Variants in NDUFS4 observed in about 807,000 individuals in gnomAD.
NDUFS4 encodes the protein NADH dehydrogenase [ubiquinone] iron-sulfur protein 4, mitochondrial.
In NDUFS4, 28 loss-of-function variants were observed where a neutral mutation model predicts 24.3. The ratio of observed to expected loss-of-function variants is 1.15; its 90% CI spans 0.85 to 1.58. The LOEUF is 1.58. Ranked by LOEUF, NDUFS4 falls within the 40% of genes most tolerant of loss-of-function variation. The pLI is 0.00. For synonymous variants in NDUFS4, 93 were observed against 69.7 expected (o/e 1.34, Z -1.67); for missense variants, 223 against 207.9 (o/e 1.07, Z -0.45).
At chr5:53,654,414 A>G (rs543661401) in intron 3 of NDUFS4, among the ~76,000 whole-genome samples, 2 of 152,298 alleles carry the variant, frequency 1.3e-5, no homozygotes, top group South Asian at 2.1e-4. Context: ...GTGTGCACAC[A>G]TAACTTCTAT....
At chr5:53,574,843 GA>G (rs144924458) in intron 1 of NDUFS4, among the ~76,000 whole-genome samples, 14,114 of 152,058 alleles carry the variant, frequency 0.093, 780 homozygotes, top group Non-Finnish European at 0.13. Flanking sequence ...TGTCCATCCA[GA>G]AAATTGTGGC....
At chr5:53,620,068 G>C (rs1750982497) in intron 2 of NDUFS4, among the ~76,000 whole-genome samples, 1 of 151,702 alleles carries the variant, frequency 6.6e-6, no homozygotes, top group African/African-American at 2.4e-5. Flanking sequence ...GATTGCCTGA[G>C]CCCAGGAGTT....
intron 2 of NDUFS4, among the ~76,000 whole-genome samples, chr5:53,638,282 T>G (rs1406496151): frequency 2.0e-5 from 3 of 152,106 alleles, no homozygotes; most frequent in African/African-American, 7.2e-5. Flanking sequence ...AGACAAATCC[T>G]TTGAGACTTT....
chr5:53,571,248 C>T (rs186378965), intron 1 of NDUFS4, among the ~76,000 whole-genome samples: 1 of 152,268 alleles, frequency 6.6e-6, no homozygotes, highest in Non-Finnish European at 1.5e-5. Flanking sequence ...TTTGTTTCTA[C>T]AGATTTGCCT....
intron 3 of NDUFS4, among the ~76,000 whole-genome samples, chr5:53,647,589 A>G (rs1288569840): frequency 6.6e-6 from 1 of 152,346 alleles, no homozygotes. Flanking sequence ...CTAATTCTCC[A>G]TAATGGAATA....
At chr5:53,656,215 AT>A (rs34622186) in intron 3 of NDUFS4, among the ~76,000 whole-genome samples, 3 of 149,426 alleles carry the variant, frequency 2.0e-5, no homozygotes, top group East Asian at 4.0e-4. Context: ...CTAGAAGTTT[AT>A]TTTTTTTTTC....
At chr5:53,608,364 C>A (rs1262549823) in intron 2 of NDUFS4, among the ~76,000 whole-genome samples, 1 of 152,132 alleles carries the variant, frequency 6.6e-6, no homozygotes, top group Non-Finnish European at 1.5e-5. Context: ...TAAAATAAGA[C>A]AACAGTGAAC....
intron 1 of NDUFS4, among the ~76,000 whole-genome samples, chr5:53,589,456 GAGGCAGTT>G (rs1749873098): frequency 6.6e-6 from 1 of 152,250 alleles, no homozygotes; most frequent in South Asian, 2.1e-4. Context: ...TGTAGGAAAA[GAGGCAGTT>G]AGGCATTGAC....
chr5:53,622,372 G>A (rs1011144024), intron 2 of NDUFS4, among the ~76,000 whole-genome samples: 3 of 152,110 alleles, frequency 2.0e-5, no homozygotes, highest in African/African-American at 7.2e-5. Context: ...CGAGGTTAAG[G>A]TACCAGCATG....
intron 2 of NDUFS4, among the ~76,000 whole-genome samples, chr5:53,617,919 A>G (rs1430732138): frequency 6.6e-6 from 1 of 152,126 alleles, no homozygotes; most frequent in African/African-American, 2.4e-5. Flanking sequence ...GAGTGTCCTC[A>G]TCTTATAAAA....
In NDUFS4 at chr5:53,614,005, C is replaced by T. The variant is rs1303042884; in HGVS notation, c.177+10475C>T. Among the ~76,000 whole-genome samples the T allele has an allele frequency of 2.0e-5, 3 of 151,942 alleles. No homozygotes were observed. The East Asian group carries it at 5.8e-4, about 29-fold the overall frequency. ...TACATTGTATTTCATATTTTTGTCT[C>T]ATGACATGTATCTATAAACATGAAC... On this transcript the variant is annotated intron_variant, in intron 2 of 4. Transcript: ENST00000296684.
chr5:53,660,416 T>G (rs1414710071), intron 4 of NDUFS4, among the ~76,000 whole-genome samples: 1 of 152,186 alleles, frequency 6.6e-6, no homozygotes. Flanking sequence ...ACATTTGGCT[T>G]GATTCCAAGT....
intron 4 of NDUFS4, among the ~76,000 whole-genome samples, chr5:53,659,638 G>A (rs1752270085): frequency 6.6e-6 from 1 of 152,100 alleles, no homozygotes; most frequent in Admixed American, 6.6e-5. Flanking sequence ...TGTTATTCTA[G>A]TTTCTCAAAT....
chr5:53,658,491 G>T, intron 3 of NDUFS4, 60 bp from the exon 4 acceptor site: 1 of 1,130,198 alleles, frequency 8.8e-7, no homozygotes, highest in East Asian at 2.4e-5. Context: ...TTTAAATATT[G>T]ATTTTGTTTC....
In NDUFS4 at chr5:53,603,452, G is replaced by T. The variant is rs200926524; in HGVS notation, c.99G>T (p.Arg33Ser). Residue 33 changes from arginine (R) to serine (S), a missense_variant and splice_region_variant, in exon 2 of 5, where the codon AGG becomes AGT. Coordinates refer to ENST00000296684, the MANE Select transcript of NDUFS4 (RefSeq NM_002495.4). The stretch of plus-strand genomic sequence containing the variant: ...TTTAACTTAAAGTCTTGCACTGCAG[G>T]TCGTTGAGGACTTCCACATGGAGAT... Reference protein sequence around the residue: ...AALSVSRVPTRSLRTSTWRLA... With the variant: ...AALSVSRVPTSSLRTSTWRLA... 2 of 1,612,520 alleles carry T rather than the reference G, an allele frequency of 1.2e-6. No homozygotes were observed. Among genetic ancestry groups the T allele is most frequent in the East Asian group, 4.5e-5 (2 of 44,816 alleles).
At chr5:53,673,715 C>G (rs1373986374) in intron 4 of NDUFS4, among the ~76,000 whole-genome samples, 2 of 152,146 alleles carry the variant, frequency 1.3e-5, no homozygotes, top group East Asian at 1.9e-4. Context: ...CACCATTTCT[C>G]CTATTCCAGT....
At chr5:53,585,861 T>C (rs72751827) in intron 1 of NDUFS4, among the ~76,000 whole-genome samples, 14,140 of 152,248 alleles carry the variant, frequency 0.093, 780 homozygotes, top group Non-Finnish European at 0.13. Context: ...TTTGTTATGT[T>C]ACATTTCTGA....
intron 2 of NDUFS4, among the ~76,000 whole-genome samples, chr5:53,641,959 A>G (rs1003843362): frequency 6.6e-6 from 1 of 152,168 alleles, no homozygotes; most frequent in African/African-American, 2.4e-5. Context: ...TAATGTTTCA[A>G]TATGTGCTCT....
chr5:53,648,828 T>C (rs1355987823), intron 3 of NDUFS4, among the ~76,000 whole-genome samples: 1 of 152,162 alleles, frequency 6.6e-6, no homozygotes, highest in African/African-American at 2.4e-5. Flanking sequence ...TCAAGGAGAA[T>C]ACTTTGAGAC....
Sources: gnomAD v4.1 joint callset for allele counts (sites outside exome capture counted in the v4.1 genomes callset) on GRCh38, gnomAD v4.1.1 for gene constraint, MANE v1.5 for transcripts, NCBI Gene and HGNC (gene_info 2026-07-23, HGNC 2026-07-21) for gene names.